ADCY8: variants seen among roughly 807,000 people sequenced by gnomAD.
The protein encoded by ADCY8 is adenylate cyclase type 8.
A neutral mutation model predicts 119.7 loss-of-function variants in ADCY8; 51 were observed. The ratio of observed to expected loss-of-function variants is 0.43; its 90% CI spans 0.34 to 0.54. The LOEUF is 0.54. Ranked by LOEUF, ADCY8 falls within the 20% of genes least tolerant of loss-of-function variation. The pLI is 0.03. For missense variants in ADCY8, 1,383 were observed against 1,598.8 expected, an observed-to-expected ratio of 0.87 and a Z score of 2.30; for synonymous variants, 665 against 651.0, an observed-to-expected ratio of 1.02 and a Z score of -0.33.
Position 130,838,916 on chromosome 8 carries a change from C to T in ADCY8, c.2503-2467G>A, listed in dbSNP as rs1225543197. ...ATGTGGGTACAGAGGAAGGACAAAG[C>T]GTTGTGCATTCTGCAGGCACATCTG... On this transcript the variant is annotated intron_variant, in intron 11 of 17. Transcript: ENST00000286355. Among the ~76,000 whole-genome samples, 42 of 140,520 alleles carry T rather than the reference C, an allele frequency of 3.0e-4. 8 individuals carry two copies. The highest frequency in any genetic ancestry group is 9.7e-5 in the Non-Finnish European group (6 of 62,096). 92.2% of individuals were successfully genotyped at this position (140,520 alleles called of 152,430 possible). A position where few individuals can be genotyped will look rare whatever the true frequency, so the allele number is the denominator to read the frequency against.
chr8:131,012,883 G>A (rs759129984), intron 1 of ADCY8, among the ~76,000 whole-genome samples: 4 of 152,134 alleles, frequency 2.6e-5, no homozygotes, highest in East Asian at 1.9e-4. Flanking sequence ...GATCCCAACC[G>A]AATCCCTAAT....
chr8:130,812,191 A>G (rs934757931), intron 14 of ADCY8, among the ~76,000 whole-genome samples: 1 of 152,040 alleles, frequency 6.6e-6, no homozygotes, highest in Admixed American at 6.6e-5. Context: ...TCCACTCTCT[A>G]TCAGTAGCCA....
At chr8:130,991,487 A>T (rs563948260) in intron 1 of ADCY8, among the ~76,000 whole-genome samples, 1 of 152,368 alleles carries the variant, frequency 6.6e-6, no homozygotes, top group Admixed American at 6.5e-5. Flanking sequence ...GACAGTAAGC[A>T]ATTGAGTTAA....
At chr8:131,008,198 T>A (rs546958777) in intron 1 of ADCY8, among the ~76,000 whole-genome samples, 8 of 152,280 alleles carry the variant, frequency 5.3e-5, no homozygotes, top group Non-Finnish European at 1.2e-4. Flanking sequence ...GTTAAGTAAC[T>A]TGCTTCAGCT....
chr8:130,987,589 G>T (rs1822441043), intron 2 of ADCY8, among the ~76,000 whole-genome samples: 1 of 151,868 alleles, frequency 6.6e-6, no homozygotes, highest in Non-Finnish European at 1.5e-5. Flanking sequence ...ATTTATAATT[G>T]CAAAATATTA....
chr8:131,010,583 TAA>T (rs1823269062), intron 1 of ADCY8, among the ~76,000 whole-genome samples: 1 of 151,870 alleles, frequency 6.6e-6, no homozygotes, highest in Non-Finnish European at 1.5e-5. Context: ...TGAAGGTAAG[TAA>T]AAGGAAGCAA....
chr8:130,961,848 A>G (rs1821615678), intron 2 of ADCY8, among the ~76,000 whole-genome samples: 2 of 152,086 alleles, frequency 1.3e-5, no homozygotes, highest in African/African-American at 2.4e-5. Context: ...GTGACCAGTA[A>G]TGTTCCTGGT....
intron 1 of ADCY8, among the ~76,000 whole-genome samples, chr8:131,031,288 C>T (rs1022750240): frequency 2.0e-5 from 3 of 152,172 alleles, no homozygotes; most frequent in East Asian, 3.9e-4. Flanking sequence ...TCAAACTTTA[C>T]CTTTTTGTGA....
intron 5 of ADCY8, among the ~76,000 whole-genome samples, chr8:130,929,551 A>C (rs1820571805): frequency 6.6e-6 from 1 of 152,170 alleles, no homozygotes; most frequent in Non-Finnish European, 1.5e-5. Context: ...TTATGTCCTA[A>C]CATATGAGCT....
intron 7 of ADCY8, among the ~76,000 whole-genome samples, chr8:130,899,572 C>T (rs1259602189): frequency 6.6e-6 from 1 of 151,624 alleles, no homozygotes; most frequent in Non-Finnish European, 1.5e-5. Context: ...TGCCATTGCA[C>T]TCCAGCCTGG....
At chr8:130,861,146 T>G (rs1271249081) in intron 9 of ADCY8, among the ~76,000 whole-genome samples, 2 of 152,220 alleles carry the variant, frequency 1.3e-5, no homozygotes, top group East Asian at 3.8e-4. Flanking sequence ...CCTCTAGCTT[T>G]GTTGTTATTC....
chr8:131,033,417 A>G (rs1824053720), intron 1 of ADCY8, among the ~76,000 whole-genome samples: 2 of 152,150 alleles, frequency 1.3e-5, no homozygotes, highest in Non-Finnish European at 1.5e-5. Context: ...ATCAATCATC[A>G]AAGTGTAAAT....
intron 8 of ADCY8, among the ~76,000 whole-genome samples, chr8:130,868,383 C>T (rs935095697): frequency 3.9e-5 from 6 of 152,046 alleles, no homozygotes; most frequent in African/African-American, 1.4e-4. Context: ...AAAATAAATT[C>T]TCAGGCTCTT....
At chr8:130,820,282 C>A (rs1816467701) in intron 13 of ADCY8, among the ~76,000 whole-genome samples, 1 of 152,136 alleles carries the variant, frequency 6.6e-6, no homozygotes, top group African/African-American at 2.4e-5. Flanking sequence ...TCCCTATTTT[C>A]TCAGGGTTCG....
intron 1 of ADCY8, among the ~76,000 whole-genome samples, chr8:131,003,649 A>T (rs1381284998): frequency 6.6e-6 from 1 of 152,096 alleles, no homozygotes; most frequent in Non-Finnish European, 1.5e-5. Context: ...GCTCCATTTC[A>T]CAGAAAAGAA....
At chr8:130,892,725 G>A (rs1819231374) in intron 7 of ADCY8, 1 of 152,258 alleles carries the variant, frequency 6.6e-6, no homozygotes, top group Non-Finnish European at 1.5e-5. Context: ...TGGTTCTCTT[G>A]AGATGTGATG....
intron 1 of ADCY8, among the ~76,000 whole-genome samples, chr8:130,999,522 A>G (rs905723038): frequency 7.2e-5 from 11 of 152,064 alleles, no homozygotes; most frequent in African/African-American, 2.4e-4. Flanking sequence ...AAAGGGGGAT[A>G]TCTCCCTGGG....
At position 130,992,382 on chromosome 8, in the gene ADCY8, C is replaced by CATATATATATATAT. The variant is rs1161136558; in HGVS notation, c.961-1854_961-1841dup. Reference sequence around the variant, plus strand: ...TACATACATGAGCAACTGTATCTGGCATATATATATATATATATATATATA... The same window carrying CATATATATATATAT: ...TACATACATGAGCAACTGTATCTGGCATATATATATATATATATATATATATATATATATATATA... On this transcript the variant is annotated intron_variant, in intron 1 of 17. Transcript: ENST00000286355. Among the ~76,000 whole-genome samples the CATATATATATATAT allele has an allele frequency of 1.3e-3, 103 of 78,066 alleles. 22 individuals carry two copies. The highest frequency in any genetic ancestry group is 7.1e-3 in the Middle Eastern group (1 of 140). 51.2% of individuals were successfully genotyped at this position (78,066 alleles called of 152,430 possible).
At chr8:130,945,226 T>C (rs997340369) in intron 3 of ADCY8, among the ~76,000 whole-genome samples, 2 of 152,120 alleles carry the variant, frequency 1.3e-5, no homozygotes, top group Admixed American at 1.3e-4. Flanking sequence ...GGGGCAATGA[T>C]GGAGAAGGGG....
Sources: allele counts gnomAD v4.1 joint callset (sites outside exome capture counted in the v4.1 genomes callset), GRCh38; gene constraint gnomAD v4.1.1; transcripts MANE v1.5; gene names NCBI Gene and HGNC (gene_info 2026-07-23, HGNC 2026-07-21).